The following MYO7B variants were observed in gnomAD, a reference collection of about 807,000 sequenced individuals.
The protein encoded by MYO7B is unconventional myosin-VIIb.
Under a neutral mutation model 259.7 loss-of-function variants are expected in MYO7B, and 212 were observed. That is an observed-to-expected ratio of 0.82 (90% CI 0.73 to 0.91). MYO7B has a LOEUF of 0.91. Ranked by LOEUF, MYO7B falls within the 40% of genes least tolerant of loss-of-function variation. The pLI is 0.00. For synonymous variants in MYO7B, 1,197 were observed against 1,166.4 expected (o/e 1.03, Z -0.54); for missense variants, 2,732 against 2,813.5 (o/e 0.97, Z 0.66).
chr2:127,609,239 C>G lies in MYO7B; in HGVS notation c.2815-267C>G, dbSNP rs965549342. 8.6e-5 allele frequency among the ~76,000 whole-genome samples: 13 copies of G among 151,942 alleles called. No individual in the cohort carries two copies. In the South Asian group the frequency reaches 1.0e-3, roughly 12 times the overall value. ...GAAGCTGCAGTGAGGATGGTGCATG[C>G]GGCAGAGGACACAGTGTCTGAGCGT... On this transcript the variant is annotated intron_variant, in intron 22 of 47. Transcript: ENST00000409816. This position sits in a 1 kb window ranked among gnomAD's most constrained non-coding sequence, Gnocchi z 6.9.
At chr2:127,598,536 G>T (rs1485133438) in intron 19 of MYO7B, among the ~76,000 whole-genome samples, 1 of 152,196 alleles carries the variant, frequency 6.6e-6, no homozygotes, top group Non-Finnish European at 1.5e-5. Context: ...TCTGTAGATT[G>T]TCTCTTCATC....
Position 127,625,387 on chromosome 2 carries a change from T to C in MYO7B, c.4067T>C (p.Leu1356Pro). The change falls in exon 31 of 48, where the codon CTG becomes CCG. Residue 1356 changes from leucine to proline, a missense_variant. Around this residue, in one of 3 missense-constraint regions of MYO7B, gnomAD observed 1,906 missense variants for 2,026.4 expected, o/e 0.94. Transcript: ENST00000409816. ...GTGCAGGAGGAAGAGCTGGTTGAGC[T>C]GCTGGCCCGGCACTGCTACGTGCAG... is the stretch of plus-strand genomic sequence containing the variant. ...SFEKEEELVE[L>P]LARHCYVQLG... 6.3e-7 allele frequency: 1 copy of C among 1,594,332 alleles called. No individual in the cohort carries two copies. The highest frequency in any genetic ancestry group is 1.7e-4 in the Middle Eastern group (1 of 5,938).
chr2:127,556,143 A>G (rs1371866073), intron 1 of MYO7B, among the ~76,000 whole-genome samples: 1 of 152,242 alleles, frequency 6.6e-6, no homozygotes, highest in Non-Finnish European at 1.5e-5. Flanking sequence ...TTTTATGATT[A>G]TATAATATCC....
intron 7 of MYO7B, among the ~76,000 whole-genome samples, chr2:127,575,091 C>T (rs1678811520): frequency 1.3e-5 from 2 of 152,188 alleles, no homozygotes; most frequent in African/African-American, 2.4e-5. Flanking sequence ...GTGAGAGGGA[C>T]AGATGCCTCC....
In MYO7B at chr2:127,625,372, A is replaced by G. The variant is rs969613213; in HGVS notation, c.4052A>G (p.Glu1351Gly). ...TGGGTGCCCTGGGCTGTGCAGGAGG[A>G]AGAGCTGGTTGAGCTGCTGGCCCGG... ...WSGEYSFEKE[E>G]ELVELLARHC... The change falls in exon 31 of 48, where the codon GAA becomes GGA. Residue 1351 changes from glutamate (E) to glycine (G), a missense_variant. Around this residue, in one of 3 missense-constraint regions of MYO7B, gnomAD observed 1,906 missense variants for 2,026.4 expected, o/e 0.94. Coordinates refer to ENST00000409816, the MANE Select transcript of MYO7B (RefSeq NM_001393586.1). The G allele has an allele frequency of 2.2e-5, 35 of 1,574,940 alleles. No homozygotes were observed. The highest frequency in any genetic ancestry group is 3.0e-5 in the Non-Finnish European group (35 of 1,160,980).
In MYO7B at chr2:127,559,803, C is replaced by A. The variant is rs371672192; in HGVS notation, c.18+63C>A. 5.7e-6 allele frequency: 9 copies of A among 1,577,798 alleles called. No homozygotes were observed. Among genetic ancestry groups the A allele is most frequent in the South Asian group, 1.1e-5 (1 of 90,278 alleles). ...TAAGTTACTCAAGGCCAAGTTGAATCGCTCCCAAGGAAAGAGAGGAAAGGC... is the reference window on the plus strand; with the variant it reads ...TAAGTTACTCAAGGCCAAGTTGAATAGCTCCCAAGGAAAGAGAGGAAAGGC... On this transcript the variant is annotated intron_variant, in intron 2 of 47. Transcript: ENST00000409816. The surrounding 1 kb of genome is among the most constrained non-coding windows in gnomAD (Gnocchi z 4.1).
At position 127,584,202 on chromosome 2, in the gene MYO7B, A is replaced by C; in HGVS notation, c.1424A>C (p.Glu475Ala). The change falls in exon 13 of 48, where the codon GAG becomes GCG. Residue 475 changes from glutamate (E) to alanine (A), a missense_variant. Glu to Ala is a moderately radical substitution (Grantham distance 107). Coordinates refer to ENST00000409816, the MANE Select transcript of MYO7B (RefSeq NM_001393586.1). This position sits in a 1 kb window ranked among gnomAD's most constrained non-coding sequence, Gnocchi z 5.8. ...FVQHVFTMEQ[E>A]EYRSENISWD... ...CAGCACGTGTTCACCATGGAGCAAG[A>C]GGAGTACCGCTCGGAGAACATCTCC... The C allele has an allele frequency of 6.2e-7, 1 of 1,613,994 alleles. No homozygotes were observed. Among genetic ancestry groups the C allele is most frequent in the Non-Finnish European group, 8.5e-7 (1 of 1,179,894 alleles).
chr2:127,555,664 T>C (rs1201930674), intron 1 of MYO7B, among the ~76,000 whole-genome samples: 1 of 152,252 alleles, frequency 6.6e-6, no homozygotes, highest in Non-Finnish European at 1.5e-5. Flanking sequence ...CCAATGATCA[T>C]TCAGGAGCTA....
At chr2:127,623,157 C>T (rs1350285829) in intron 28 of MYO7B, 45 bp from the exon 29 acceptor site, 10 of 1,606,222 alleles carry the variant, frequency 6.2e-6, no homozygotes, top group South Asian at 1.1e-5. Flanking sequence ...GCCTCCTGTC[C>T]ATAGGTTCCA....
At chr2:127,564,132 T>A (rs758804400) in intron 2 of MYO7B, 21 bp from the exon 3 acceptor site, 3 of 1,490,068 alleles carry the variant, frequency 2.0e-6, no homozygotes, top group Non-Finnish European at 2.7e-6. Context: ...ATCACACCAC[T>A]GTCTTCTGTC....
rs1680196967 is a variant in MYO7B at position 127,607,371 on chromosome 2, G to T, written c.2590G>T (p.Ala864Ser). Residue 864 changes from alanine to serine, a missense_variant, in exon 21 of 48, where the codon GCC becomes TCC. Ala to Ser is a moderately conservative substitution (Grantham distance 99). Around this residue, in one of 3 missense-constraint regions of MYO7B, gnomAD observed 1,906 missense variants for 2,026.4 expected, o/e 0.94. Coordinates refer to ENST00000409816, the MANE Select transcript of MYO7B (RefSeq NM_001393586.1). The surrounding 1 kb of genome is among the most constrained non-coding windows in gnomAD (Gnocchi z 4.4). The stretch of plus-strand genomic sequence containing the variant: ...GAGGAGGGCAGTGGTGGTCATTCAG[G>T]CCCATGCCAGGGGCATGGCTGCCCG... ...AKRRAVVVIQ[A>S]HARGMAARRN... The T allele has an allele frequency of 2.6e-6, 4 of 1,551,390 alleles. No homozygotes were observed. The highest frequency in any genetic ancestry group is 3.5e-6 in the Non-Finnish European group (4 of 1,146,850).
intron 19 of MYO7B, among the ~76,000 whole-genome samples, chr2:127,600,733 CA>C (rs1174818978): frequency 6.6e-6 from 1 of 152,088 alleles, no homozygotes; most frequent in Non-Finnish European, 1.5e-5. Context: ...CAAAACAAAA[CA>C]AAAAACATTC....
chr2:127,586,281 G>A lies in MYO7B; in HGVS notation c.1690+1368G>A, dbSNP rs192344068. On this transcript the variant is annotated intron_variant, in intron 14 of 47. Transcript: ENST00000409816. The surrounding 1 kb of genome is among the most constrained non-coding windows in gnomAD (Gnocchi z 4.8). ...TTTGACTGAAGAAGTGAAGGCCTGG[G>A]GTGGTCACCCTATGGGTGTGCCAAG... is the stretch of plus-strand genomic sequence containing the variant. Among the ~76,000 whole-genome samples, 1 of 152,320 alleles carries A rather than the reference G, an allele frequency of 6.6e-6. No individual in the cohort carries two copies. Among genetic ancestry groups the A allele is most frequent in the East Asian group, 1.9e-4 (1 of 5,190 alleles).
chr2:127,558,984 G>A (rs1253227275), intron 1 of MYO7B, among the ~76,000 whole-genome samples: 1 of 152,248 alleles, frequency 6.6e-6, no homozygotes, highest in African/African-American at 2.4e-5. Flanking sequence ...CACAAGTCAC[G>A]GCTAAAGAGC....
At chr2:127,634,832 C>T (rs987094666) in intron 42 of MYO7B, 149 bp downstream of exon 42, 5 of 760,256 alleles carry the variant, frequency 6.6e-6, no homozygotes, top group East Asian at 5.4e-5. Flanking sequence ...TGGGGCCCGG[C>T]GGTGAGGGCC....
intron 30 of MYO7B, among the ~76,000 whole-genome samples, chr2:127,624,809 G>A (rs564107496): frequency 5.9e-5 from 9 of 152,268 alleles, no homozygotes; most frequent in South Asian, 2.1e-4. Context: ...CAGAGTGATC[G>A]TACCCCTGAA....
chr2:127,552,169 A>C (rs1290562386), intron 1 of MYO7B, among the ~76,000 whole-genome samples: 2 of 152,156 alleles, frequency 1.3e-5, no homozygotes, highest in African/African-American at 4.8e-5. Flanking sequence ...GGGCCTTTTA[A>C]TTTTTACTTT....
intron 1 of MYO7B, among the ~76,000 whole-genome samples, chr2:127,558,805 A>G (rs1350700529): frequency 1.3e-5 from 2 of 152,196 alleles, no homozygotes; most frequent in Non-Finnish European, 2.9e-5. Flanking sequence ...AAAACCAAAC[A>G]TCGTATGTTC....
intron 1 of MYO7B, among the ~76,000 whole-genome samples, chr2:127,537,139 T>C (rs1333741845): frequency 6.6e-6 from 1 of 152,228 alleles, no homozygotes; most frequent in Non-Finnish European, 1.5e-5. Flanking sequence ...CAGAGGAGTT[T>C]GGCTTTATAG....
Sources: gnomAD v4.1 joint callset for allele counts (sites outside exome capture counted in the v4.1 genomes callset) on GRCh38, gnomAD v4.1.1 for gene constraint, gnomAD v4.1.1 regional missense constraint, Gnocchi (gnomAD v3.1) non-coding constraint, MANE v1.5 for transcripts, NCBI Gene and HGNC (gene_info 2026-07-23, HGNC 2026-07-21) for gene names.